CLSTN2: variants seen among roughly 807,000 people sequenced by gnomAD.
CLSTN2 encodes the protein calsyntenin 2.
CLSTN2 carries 48 observed loss-of-function variants against 101.2 expected under a neutral mutation model. That is an observed-to-expected ratio of 0.47 (90% CI 0.38 to 0.60). The LOEUF (loss-of-function observed/expected upper bound fraction) is 0.60, where lower values mean the gene tolerates loss of function less well. Ranked by LOEUF, CLSTN2 falls within the 20% of genes least tolerant of loss-of-function variation. CLSTN2 has a pLI of 0.00. For synonymous variants in CLSTN2, 481 were observed against 463.6 expected, an observed-to-expected ratio of 1.04 and a Z score of -0.48; for missense variants, 1,160 against 1,238.2, an observed-to-expected ratio of 0.94 and a Z score of 0.95.
intron 4 of CLSTN2, among the ~76,000 whole-genome samples, chr3:140,412,240 C>G (rs1229585887): frequency 1.3e-5 from 2 of 152,170 alleles, no homozygotes; most frequent in Non-Finnish European, 2.9e-5. Flanking sequence ...GTCTTAAACT[C>G]CTGACCTCAG....
chr3:140,127,923 C>A (rs1241962185), intron 1 of CLSTN2, among the ~76,000 whole-genome samples: 2 of 152,136 alleles, frequency 1.3e-5, no homozygotes, highest in Admixed American at 6.6e-5. Flanking sequence ...ACTTGTAAAT[C>A]TAAGTGCCAT....
At chr3:140,358,916 G>T (rs1268665146) in intron 2 of CLSTN2, among the ~76,000 whole-genome samples, 1 of 152,120 alleles carries the variant, frequency 6.6e-6, no homozygotes, top group African/African-American at 2.4e-5. Flanking sequence ...GGCTGTCACA[G>T]GTGGTGGAAC....
chr3:140,045,585 C>T (rs1038358145), intron 1 of CLSTN2, among the ~76,000 whole-genome samples: 1 of 152,106 alleles, frequency 6.6e-6, no homozygotes, highest in Non-Finnish European at 1.5e-5. Context: ...GCTCTTGCTT[C>T]TCTAGTTCTT....
chr3:140,481,573 C>T (rs1934117185), intron 8 of CLSTN2, among the ~76,000 whole-genome samples: 3 of 152,102 alleles, frequency 2.0e-5, no homozygotes, highest in Admixed American at 1.3e-4. Flanking sequence ...ATTCTTCCTA[C>T]CCATGAGCAT....
At chr3:140,000,655 GC>G (rs974627720) in intron 1 of CLSTN2, among the ~76,000 whole-genome samples, 30 of 152,282 alleles carry the variant, frequency 2.0e-4, no homozygotes, top group Admixed American at 1.1e-3. Context: ...TTGGATAATG[GC>G]CGTGGGAAGC....
chr3:140,410,064 A>T (rs2088345956), intron 4 of CLSTN2, among the ~76,000 whole-genome samples: 1 of 152,090 alleles, frequency 6.6e-6, no homozygotes, highest in Non-Finnish European at 1.5e-5. Context: ...CAACACTATC[A>T]AGAGAGCTTA....
At chr3:139,939,738 G>C (rs1210705014) in intron 1 of CLSTN2, among the ~76,000 whole-genome samples, 2 of 152,214 alleles carry the variant, frequency 1.3e-5, no homozygotes, top group African/African-American at 4.8e-5. Flanking sequence ...AGGTAGTGTG[G>C]AATTTTTATG....
intron 2 of CLSTN2, among the ~76,000 whole-genome samples, chr3:140,372,555 G>T (rs2087870413): frequency 2.0e-5 from 3 of 152,088 alleles, no homozygotes; most frequent in Admixed American, 2.0e-4. Flanking sequence ...AAATTCCCCT[G>T]AATCCTTGAG....
intron 5 of CLSTN2, among the ~76,000 whole-genome samples, chr3:140,437,501 C>T (rs2088700468): frequency 6.6e-6 from 1 of 152,204 alleles, no homozygotes. Context: ...GGCTTTTGCT[C>T]CTCAGGCTCT....
chr3:140,519,717 G>GTGGGTCTTGGGAAGACAGCATACTGA (rs1934989633), intron 8 of CLSTN2, among the ~76,000 whole-genome samples: 2 of 151,970 alleles, frequency 1.3e-5, no homozygotes, highest in African/African-American at 4.8e-5. Flanking sequence ...TGTACGTGAG[G>GTGGGTCTTGGGAAGACAGCATACTGA]TGGGTCTTGG....
intron 2 of CLSTN2, among the ~76,000 whole-genome samples, chr3:140,329,251 T>C (rs529752797): frequency 3.7e-4 from 57 of 152,314 alleles, no homozygotes; most frequent in Admixed American, 3.1e-3. Flanking sequence ...TAGCTGGGCA[T>C]GGTGGCACAT....
At chr3:140,403,920 C>G in intron 3 of CLSTN2, 96 bp downstream of exon 3, 1 of 1,041,974 alleles carries the variant, frequency 9.6e-7, no homozygotes. Context: ...ACCCTCTTGT[C>G]ACACAATGGT....
chr3:140,332,275 C>G (rs902672727), intron 2 of CLSTN2, among the ~76,000 whole-genome samples: 4 of 152,180 alleles, frequency 2.6e-5, no homozygotes, highest in African/African-American at 9.6e-5. Context: ...ACACAGAAGA[C>G]TCTGAGCTGT....
At chr3:140,519,805 C>T (rs776410373) in intron 8 of CLSTN2, among the ~76,000 whole-genome samples, 1 of 152,166 alleles carries the variant, frequency 6.6e-6, no homozygotes, top group Non-Finnish European at 1.5e-5. Flanking sequence ...ATTTAGCTCA[C>T]TTACATTTAA....
In CLSTN2 at chr3:140,089,209, T is replaced by C. The variant is rs532295483; in HGVS notation, c.110-86742T>C. Among the ~76,000 whole-genome samples, 164 of 152,308 alleles carry C rather than the reference T, an allele frequency of 1.1e-3. 1 individual carries two copies. Among genetic ancestry groups the C allele is most frequent in the African/African-American group, 3.8e-3 (158 of 41,578 alleles). On this transcript the variant is annotated intron_variant, in intron 1 of 16. Coordinates refer to ENST00000458420, the MANE Select transcript of CLSTN2 (RefSeq NM_022131.3). ...CTCATGTCTCACTTGTTCATATCTC[T>C]TGGGATTCTGATTTGGGCCTTATTT...
intron 8 of CLSTN2, among the ~76,000 whole-genome samples, chr3:140,475,887 G>T (rs1013498663): frequency 7.2e-5 from 11 of 152,136 alleles, no homozygotes; most frequent in Non-Finnish European, 1.3e-4. Context: ...ACATTAAAAA[G>T]AATATTGTTT....
At chr3:140,102,201 G>A (rs1299760327) in intron 1 of CLSTN2, among the ~76,000 whole-genome samples, 2 of 152,182 alleles carry the variant, frequency 1.3e-5, no homozygotes, top group Non-Finnish European at 2.9e-5. Context: ...ACCATCACAT[G>A]CATTGCTGCC....
At chr3:140,240,421 G>A (rs2086457414) in intron 2 of CLSTN2, among the ~76,000 whole-genome samples, 1 of 151,164 alleles carries the variant, frequency 6.6e-6, no homozygotes, top group Non-Finnish European at 1.5e-5. Context: ...AATGACATTT[G>A]GAAAGAGAAG....
chr3:140,305,695 T>A (rs539028560), intron 2 of CLSTN2, among the ~76,000 whole-genome samples: 1 of 152,048 alleles, frequency 6.6e-6, no homozygotes, highest in Non-Finnish European at 1.5e-5. Context: ...AATAGAGCAA[T>A]GTGCAGCCAT....
Sources: gnomAD v4.1 joint callset for allele counts (sites outside exome capture counted in the v4.1 genomes callset) on GRCh38, gnomAD v4.1.1 for gene constraint, MANE v1.5 for transcripts, NCBI Gene and HGNC (gene_info 2026-07-23, HGNC 2026-07-21) for gene names.